The following DNAH14 variants were observed in gnomAD, a reference collection of about 807,000 sequenced individuals.
The protein encoded by DNAH14 is dynein axonemal heavy chain 14.
DNAH14 carries 478 observed loss-of-function variants against 520.9 expected under a neutral mutation model. That is an observed-to-expected ratio of 0.92 (90% CI 0.85 to 0.99). The LOEUF is 0.99. Among genes scored for constraint, DNAH14 ranks in the 50% least tolerant of loss-of-function variants. The pLI is 0.00. For missense variants in DNAH14, 4,831 were observed against 5,234.5 expected (o/e 0.92, Z 2.38); for synonymous variants, 1,581 against 1,757.2 (o/e 0.90, Z 2.51).
At chr1:225,052,731 A>G (rs2068663528) in intron 17 of DNAH14, among the ~76,000 whole-genome samples, 1 of 152,236 alleles carries the variant, frequency 6.6e-6, no homozygotes, top group Admixed American at 6.5e-5. Context: ...TGGCGTGGAA[A>G]CACTGGAAAG....
intron 35 of DNAH14, 56 bp from the exon 36 acceptor site, chr1:225,167,883 A>T: frequency 2.9e-6 from 3 of 1,036,032 alleles, no homozygotes; most frequent in Non-Finnish European, 4.1e-6. Flanking sequence ...GGAAGATAAA[A>T]ATTTAAGAGT....
intron 8 of DNAH14, among the ~76,000 whole-genome samples, chr1:224,995,614 T>G (rs907795406): frequency 6.6e-5 from 10 of 152,124 alleles, no homozygotes; most frequent in Non-Finnish European, 1.2e-4. Context: ...AGCCGTTATT[T>G]CTTTAAATGT....
At chr1:225,231,049 G>C in intron 41 of DNAH14, 24 bp from the exon 42 acceptor site, 1 of 1,528,638 alleles carries the variant, frequency 6.5e-7, no homozygotes. Flanking sequence ...GTTAATTATG[G>C]AAAAATACTC....
chr1:225,172,432 A>G (rs2082798406), intron 36 of DNAH14, among the ~76,000 whole-genome samples: 1 of 152,240 alleles, frequency 6.6e-6, no homozygotes, highest in Non-Finnish European at 1.5e-5. Flanking sequence ...ATACAAAATC[A>G]ATGTGCAGAA....
At chr1:225,105,372 G>A (rs142657442) in intron 23 of DNAH14, among the ~76,000 whole-genome samples, 5,536 of 152,218 alleles carry the variant, frequency 0.036, 313 homozygotes, top group African/African-American at 0.13. Flanking sequence ...GTTGATTTGG[G>A]GTGGAGAGTT....
rs1201004876 is a variant in DNAH14 at position 224,974,141 on chromosome 1, C to G, written c.818C>G (p.Thr273Arg). The change falls in exon 8 of 86, where the codon ACA becomes AGA. Residue 273 changes from threonine (T) to arginine (R), a missense_variant. By Grantham distance (71) the Thr-to-Arg change is moderately conservative. Transcript: ENST00000682510. ...AAATTGAATGTTAAAAGAATTAAGA[C>G]AGAGAAGAGCAGGTAAGTTTTGATA... ...TWKLNVKRIKTEKSRSFLYHH... is the reference protein window; with the variant it reads ...TWKLNVKRIKREKSRSFLYHH... 6 of 1,482,464 alleles carry G rather than the reference C, an allele frequency of 4.0e-6. No individual in the cohort carries two copies. In the Admixed American group the frequency reaches 1.3e-4, roughly 33 times the overall value. 91.8% of individuals were successfully genotyped at this position (1,482,464 alleles called of 1,614,324 possible). A position where few individuals can be genotyped will look rare whatever the true frequency, so the allele number is the denominator to read the frequency against.
chr1:225,293,455 A>G (rs1027303127), intron 55 of DNAH14, among the ~76,000 whole-genome samples: 1 of 152,118 alleles, frequency 6.6e-6, no homozygotes, highest in Non-Finnish European at 1.5e-5. Context: ...GATAAAGAAT[A>G]TGTAGACATA....
chr1:225,060,424 T>C (rs1180522386), intron 17 of DNAH14, among the ~76,000 whole-genome samples: 1 of 152,184 alleles, frequency 6.6e-6, no homozygotes, highest in East Asian at 1.9e-4. Context: ...TCTAATTTTT[T>C]TTCAAGGGTT....
chr1:225,208,202 T>C (rs908331969), intron 41 of DNAH14, among the ~76,000 whole-genome samples: 1 of 151,758 alleles, frequency 6.6e-6, no homozygotes, highest in Non-Finnish European at 1.5e-5. Flanking sequence ...CTTTGAAGAG[T>C]GACCACTCCC....
intron 37 of DNAH14, among the ~76,000 whole-genome samples, chr1:225,192,004 G>A (rs2085502978): frequency 6.6e-6 from 1 of 151,976 alleles, no homozygotes; most frequent in Admixed American, 6.6e-5. Flanking sequence ...CTGATTAGCT[G>A]GGCCTGCTCT....
intron 1 of DNAH14, among the ~76,000 whole-genome samples, chr1:224,935,739 T>A (rs79251588): frequency 0.053 from 7,993 of 151,914 alleles, 321 homozygotes; most frequent in Non-Finnish European, 0.078. Context: ...TGCAGAACGT[T>A]CTGTCCAACA....
chr1:225,289,818 A>C, intron 54 of DNAH14, 67 bp from the exon 55 acceptor site: 1 of 1,125,308 alleles, frequency 8.9e-7, no homozygotes, highest in Non-Finnish European at 1.1e-6. Context: ...AATAATAAAC[A>C]GAAAACTATA....
In DNAH14 at chr1:225,305,075, G is replaced by C. The variant is rs1241909585; in HGVS notation, c.8991G>C (p.Glu2997Asp). 1 of 1,532,972 alleles carries C rather than the reference G, an allele frequency of 6.5e-7. No individual in the cohort carries two copies. The allele number at this position is 1,532,972 out of a possible 1,614,324, so 95.0% of individuals were successfully genotyped here. A position where few individuals can be genotyped will look rare whatever the true frequency, so the allele number is the denominator to read the frequency against. The change falls in exon 58 of 86, where the codon GAG becomes GAC. Residue 2997 changes from glutamate to aspartate, a missense_variant. Coordinates refer to ENST00000682510, the MANE Select transcript of DNAH14 (RefSeq NM_001367479.1). ...ACATTTTGAGGGCACGAGAGGAAGA[G>C]ATGCAAACAAAGAGGTAAGACTTTG... is the stretch of plus-strand genomic sequence containing the variant. ...FAHILRAREE[E>D]MQTKRDRFHM...
intron 2 of DNAH14, chr1:224,954,384 A>G (rs2060372971): frequency 6.6e-6 from 1 of 152,200 alleles, no homozygotes; most frequent in African/African-American, 2.4e-5. Context: ...TATGGAACCT[A>G]GAATTTTCTC....
chr1:224,968,565 C>T (rs1435869710), intron 6 of DNAH14, among the ~76,000 whole-genome samples, 194 bp from the exon 7 acceptor site: 1 of 152,024 alleles, frequency 6.6e-6, no homozygotes, highest in Non-Finnish European at 1.5e-5. Flanking sequence ...ACGACAAGTA[C>T]AGAAGCAGTG....
chr1:225,393,625 T>C (rs2150874093), intron 84 of DNAH14, among the ~76,000 whole-genome samples: 1 of 152,174 alleles, frequency 6.6e-6, no homozygotes, highest in South Asian at 2.1e-4. Flanking sequence ...TTAAATACAC[T>C]GAGGGTCATA....
chr1:225,247,799 G>A (rs1249080788), intron 43 of DNAH14, among the ~76,000 whole-genome samples: 1 of 152,166 alleles, frequency 6.6e-6, no homozygotes, highest in Non-Finnish European at 1.5e-5. Flanking sequence ...GGCCGAGGCA[G>A]GCGGATCACG....
intron 8 of DNAH14, among the ~76,000 whole-genome samples, chr1:224,976,955 A>G (rs1330040153): frequency 2.0e-5 from 3 of 151,508 alleles, no homozygotes; most frequent in African/African-American, 7.3e-5. Context: ...CTGGAACTAG[A>G]AATACCATTT....
At chr1:225,120,839 G>T (rs1187869439) in intron 26 of DNAH14, among the ~76,000 whole-genome samples, 1 of 152,154 alleles carries the variant, frequency 6.6e-6, no homozygotes, top group African/African-American at 2.4e-5. Context: ...GTTGTCCTGG[G>T]ATTTTTCTGG....
Sources: allele counts gnomAD v4.1 joint callset (sites outside exome capture counted in the v4.1 genomes callset), GRCh38; gene constraint gnomAD v4.1.1; transcripts MANE v1.5; gene names NCBI Gene and HGNC (gene_info 2026-07-23, HGNC 2026-07-21).